ADAMTSL1: variants seen among roughly 807,000 people sequenced by gnomAD.
ADAMTSL1 encodes ADAMTS like 1, also known as ADAMTS-like protein 1.
A neutral mutation model predicts 201.8 loss-of-function variants in ADAMTSL1; 126 were observed. The ratio of observed to expected loss-of-function variants is 0.62; its 90% CI spans 0.54 to 0.72. ADAMTSL1 has a LOEUF of 0.72. Ranked by LOEUF, ADAMTSL1 falls within the 30% of genes least tolerant of loss-of-function variation. ADAMTSL1 has a pLI of 0.00. For synonymous variants in ADAMTSL1, 1,121 were observed against 903.4 expected, an observed-to-expected ratio of 1.24 and a Z score of -4.32; for missense variants, 2,679 against 2,277.8, an observed-to-expected ratio of 1.18 and a Z score of -3.59.
chr9:18,629,263 G>A (rs1826589012), intron 5 of ADAMTSL1, among the ~76,000 whole-genome samples: 1 of 151,992 alleles, frequency 6.6e-6, no homozygotes, highest in Non-Finnish European at 1.5e-5. Flanking sequence ...TATTGTACTG[G>A]CTACGCATGC....
chr9:18,191,920 A>G (rs1828987921), intron 2 of ADAMTSL1, among the ~76,000 whole-genome samples: 2 of 152,156 alleles, frequency 1.3e-5, no homozygotes, highest in East Asian at 3.9e-4. Flanking sequence ...TCTTGCAATG[A>G]AAACCTTATT....
chr9:18,716,988 A>T (rs1360186059), intron 14 of ADAMTSL1, among the ~76,000 whole-genome samples: 1 of 133,756 alleles, frequency 7.5e-6, no homozygotes, highest in Non-Finnish European at 1.7e-5. Context: ...TATCGCAAGA[A>T]CAAAAAACCA....
intron 1 of ADAMTSL1, among the ~76,000 whole-genome samples, chr9:17,970,719 C>T (rs892756576): frequency 1.3e-5 from 2 of 151,980 alleles, no homozygotes; most frequent in Admixed American, 6.6e-5. Flanking sequence ...CCCCTTGACC[C>T]CTTAAATTGG....
intron 1 of ADAMTSL1, among the ~76,000 whole-genome samples, chr9:17,956,645 T>C (rs376443099): frequency 3.3e-5 from 5 of 152,242 alleles, no homozygotes; most frequent in African/African-American, 1.2e-4. Flanking sequence ...TGGAAAGCCT[T>C]CTCTGTATGT....
At chr9:18,629,275 A>G (rs1826589897) in intron 5 of ADAMTSL1, among the ~76,000 whole-genome samples, 1 of 152,124 alleles carries the variant, frequency 6.6e-6, no homozygotes, top group Admixed American at 6.6e-5. Flanking sequence ...TACGCATGCA[A>G]TACAATAGTG....
Position 17,960,986 on chromosome 9 carries a change from A to C in ADAMTSL1, c.87+54064A>C, listed in dbSNP as rs753848127. Reference sequence around the variant, plus strand: ...GATTATGTCATTTTAGAAATATACCAGTTCAGTCAGGCTAGAAAATTGTTT... The same window carrying C: ...GATTATGTCATTTTAGAAATATACCCGTTCAGTCAGGCTAGAAAATTGTTT... On this transcript the variant is annotated intron_variant, in intron 1 of 29. Transcript: ENST00000680146. Among the ~76,000 whole-genome samples, 77 of 152,150 alleles carry C rather than the reference A, an allele frequency of 5.1e-4. 2 individuals carry two copies. The highest frequency in any genetic ancestry group is 1.9e-4 in the Non-Finnish European group (13 of 68,036).
chr9:18,821,535 G>A (rs1280833394), intron 21 of ADAMTSL1, among the ~76,000 whole-genome samples: 8 of 152,170 alleles, frequency 5.3e-5, no homozygotes, highest in Non-Finnish European at 1.0e-4. Context: ...AAAGGATGCT[G>A]GGGAAGGTAG....
intron 2 of ADAMTSL1, among the ~76,000 whole-genome samples, chr9:18,315,047 CG>C (rs1010139936): frequency 6.6e-6 from 1 of 151,770 alleles, no homozygotes; most frequent in African/African-American, 2.4e-5. Context: ...CCGCCCGCCT[CG>C]GCCTCCCAAA....
intron 2 of ADAMTSL1, among the ~76,000 whole-genome samples, chr9:18,446,167 C>T (rs897288084): frequency 1.3e-5 from 2 of 151,988 alleles, no homozygotes; most frequent in African/African-American, 2.4e-5. Context: ...TCTTACAGAG[C>T]AGGAAAAGGA....
intron 15 of ADAMTSL1, among the ~76,000 whole-genome samples, chr9:18,750,879 G>A (rs75709525): frequency 0.055 from 8,359 of 152,266 alleles, 743 homozygotes; most frequent in African/African-American, 0.19. Flanking sequence ...TTATTGGTGG[G>A]GAGGCTGCAG....
At chr9:18,881,431 G>A (rs1828528282) in intron 23 of ADAMTSL1, among the ~76,000 whole-genome samples, 1 of 152,166 alleles carries the variant, frequency 6.6e-6, no homozygotes, top group African/African-American at 2.4e-5. Context: ...CAGGGGATAG[G>A]GAGGTGGCCC....
Position 18,560,039 on chromosome 9 carries a change from T to C in ADAMTSL1, c.238-13991T>C, listed in dbSNP as rs368156344. Among the ~76,000 whole-genome samples the C allele has an allele frequency of 2.6e-4, 40 of 152,264 alleles. No individual in the cohort carries two copies. The South Asian group carries it at 8.1e-3, about 31-fold the overall frequency. ...TGATTGCCCGGGCCAGAACTTCCAA[T>C]ATTATGTTGAATAGGAGTGGTGAGA... On this transcript the variant is annotated intron_variant, in intron 3 of 28. Transcript: ENST00000380548.
At chr9:18,842,218 A>G (rs1452408423) in intron 23 of ADAMTSL1, among the ~76,000 whole-genome samples, 1 of 152,076 alleles carries the variant, frequency 6.6e-6, no homozygotes, top group African/African-American at 2.4e-5. Context: ...AATGTGTTCA[A>G]GAGATTCTGG....
At chr9:18,444,265 C>T (rs1023744996) in intron 2 of ADAMTSL1, among the ~76,000 whole-genome samples, 1 of 152,254 alleles carries the variant, frequency 6.6e-6, no homozygotes, top group Non-Finnish European at 1.5e-5. Flanking sequence ...GTGCTGGGTG[C>T]TTGGCAAATG....
At chr9:18,045,369 G>A (rs1472020354) in intron 1 of ADAMTSL1, among the ~76,000 whole-genome samples, 1 of 152,074 alleles carries the variant, frequency 6.6e-6, no homozygotes, top group African/African-American at 2.4e-5. Flanking sequence ...GTGAGTGGGA[G>A]CACCAATAAT....
chr9:18,379,296 G>A (rs1198747082), intron 2 of ADAMTSL1, among the ~76,000 whole-genome samples: 1 of 152,034 alleles, frequency 6.6e-6, no homozygotes, highest in Non-Finnish European at 1.5e-5. Flanking sequence ...TTGTGAGATC[G>A]AGAGATTCCA....
chr9:18,423,747 C>T (rs1258306799), intron 2 of ADAMTSL1, among the ~76,000 whole-genome samples: 1 of 152,278 alleles, frequency 6.6e-6, no homozygotes, highest in African/African-American at 2.4e-5. Context: ...GGTGTTGAAG[C>T]CAAATCTCCT....
chr9:18,801,033 A>G (rs1197648660), intron 20 of ADAMTSL1, among the ~76,000 whole-genome samples: 1 of 152,230 alleles, frequency 6.6e-6, no homozygotes, highest in Non-Finnish European at 1.5e-5. Context: ...GGATATGAGA[A>G]GGAAGGCATG....
intron 1 of ADAMTSL1, among the ~76,000 whole-genome samples, chr9:18,087,282 C>A: frequency 6.6e-6 from 1 of 152,016 alleles, no homozygotes; most frequent in East Asian, 1.9e-4. Context: ...AAAATTTAAG[C>A]AAAATATATT....
Sources: gnomAD v4.1 joint callset for allele counts (sites outside exome capture counted in the v4.1 genomes callset) on GRCh38, gnomAD v4.1.1 for gene constraint, MANE v1.5 for transcripts, NCBI Gene and HGNC (gene_info 2026-07-23, HGNC 2026-07-21) for gene names.